The following KRT31 variants were observed in gnomAD, a reference collection of about 807,000 sequenced individuals.
KRT31 encodes keratin 31.
Under a neutral mutation model 40.8 loss-of-function variants are expected in KRT31, and 27 were observed. The ratio of observed to expected loss-of-function variants is 0.66; its 90% confidence interval spans 0.49 to 0.91. The LOEUF is 0.91. KRT31 is among the 40% of genes least tolerant of loss of function. The pLI is 0.00. For synonymous variants in KRT31, 231 were observed against 231.9 expected (o/e 1.00, Z 0.03); for missense variants, 510 against 544.1 (o/e 0.94, Z 0.62).
In KRT31 at chr17:41,395,527, T is replaced by C. The variant is rs767522463; in HGVS notation, c.685A>G (p.Arg229Gly). The C allele has an allele frequency of 6.2e-7, 1 of 1,614,208 alleles. No homozygotes were observed. The highest frequency in any genetic ancestry group is 1.1e-5 in the South Asian group (1 of 91,078). The part of the protein sequence containing the change: ...VDLNRVLNET[R>G]SQYEALVETN... ...TCCACCAGGGCCTCATACTGACTCC[T>C]GGTCTCGTTCAGCACCCGATTCAGG... Residue 229 changes from arginine (R) to glycine (G), a missense_variant, in exon 4 of 7, where the codon AGG becomes GGG. Coordinates refer to ENST00000251645, the MANE Select transcript of KRT31 (RefSeq NM_002277.3).
Position 41,394,954 on chromosome 17 carries a change from C to T in KRT31, c.991G>A (p.Asp331Asn), listed in dbSNP as rs772204868. 2 of 1,614,248 alleles carry T rather than the reference C, an allele frequency of 1.2e-6. No homozygotes were observed. The highest frequency in any genetic ancestry group is 2.2e-5 in the South Asian group (2 of 91,084). ...TACTCCTGGTTCTGCCGCTCCAGGT[C>T]ACTGCGGATCTCCGCCAGCTGGGAC... Reference protein sequence around the residue: ...VESQLAEIRSDLERQNQEYQV... With the variant: ...VESQLAEIRSNLERQNQEYQV... Residue 331 changes from aspartate to asparagine, a missense_variant, in exon 6 of 7, where the codon GAC (aspartate) becomes AAC (asparagine). Physicochemically the swap from Asp to Asn is conservative, Grantham distance 23. Coordinates refer to ENST00000251645, the MANE Select transcript of KRT31 (RefSeq NM_002277.3).
intron 6 of KRT31, 81 bp from the exon 7 acceptor site, chr17:41,394,250 A>G: frequency 6.7e-7 from 1 of 1,502,130 alleles, no homozygotes. Context: ...CAAGGGTAAG[A>G]ATGCCTGGGT....
rs575057304 is a variant in KRT31, at chr17:41,394,764, C to T, written c.1097+84G>A. 9.5e-6 allele frequency: 15 copies of T among 1,578,778 alleles called. No individual in the cohort carries two copies. In the African/African-American group the frequency reaches 1.9e-4, roughly 20 times the overall value. ...TAGTGTGAAGGCATAATTTCCTTTCCAAGGTATGCAATATTTGCATGGTGT... is the reference window on the plus strand; with the variant it reads ...TAGTGTGAAGGCATAATTTCCTTTCTAAGGTATGCAATATTTGCATGGTGT... On this transcript the variant is annotated intron_variant, in intron 6 of 6. Transcript: ENST00000251645.
intron 2 of KRT31, 88 bp downstream of exon 2, chr17:41,396,825 T>A: frequency 1.6e-6 from 2 of 1,230,826 alleles, no homozygotes; most frequent in Non-Finnish European, 2.4e-6. Context: ...TCACAACAAG[T>A]GGGTAGATCT....
At chr17:41,395,879 C>T (rs575153431) in intron 3 of KRT31, among the ~76,000 whole-genome samples, 34 of 152,270 alleles carry the variant, frequency 2.2e-4, no homozygotes, top group African/African-American at 7.9e-4. Flanking sequence ...TGATATTCAA[C>T]TTTCCCAGTT....
chr17:41,397,275 G>A lies in KRT31; in HGVS notation c.265C>T (p.Arg89Trp), dbSNP rs748743219. 13 of 1,614,108 alleles carry A rather than the reference G, an allele frequency of 8.1e-6. No homozygotes were observed. The highest frequency in any genetic ancestry group is 3.3e-5 in the Admixed American group (2 of 60,006). ...RDNAELENLIRERSQQQEPLL... is the reference protein window; with the variant it reads ...RDNAELENLIWERSQQQEPLL... ...GGCTCCTGCTGCTGAGACCGCTCCC[G>A]GATGAGGTTCTCCAGCTCCGCGTTG... Residue 89 changes from arginine to tryptophan, a missense_variant, in exon 1 of 7, where the codon CGG (arginine) becomes TGG (tryptophan). Coordinates refer to ENST00000251645, the MANE Select transcript of KRT31 (RefSeq NM_002277.3).
rs1004586037 is a variant in KRT31, at chr17:41,395,068, G to C, written c.877C>G (p.Arg293Gly). The C allele has an allele frequency of 4.3e-6, 7 of 1,614,074 alleles. No homozygotes were observed. The highest frequency in any genetic ancestry group is 3.3e-4 in the Middle Eastern group (2 of 6,084). ...EIELQAQHNL[R>G]DSLENTLTES... ...GTCAGCGTGTTTTCCAGAGAGTCTC[G>C]CTGTGGTGGAGAAGATTGGGAATGT... Residue 293 changes from arginine (R) to glycine (G), a missense_variant and splice_region_variant, in exon 6 of 7, where the codon CGA becomes GGA. Coordinates refer to ENST00000251645, the MANE Select transcript of KRT31 (RefSeq NM_002277.3).
At position 41,397,562 on chromosome 17, in the gene KRT31, G is replaced by A. The variant is rs765470270; in HGVS notation, c.-23C>T. On this transcript the variant is annotated 5_prime_UTR_variant, in exon 1 of 7. Transcript: ENST00000251645. Reference sequence around the variant, plus strand: ...CATAGTGCTGGGAGGGAGGGAGGGAGTGCCTGGCTGAAGACAGAGTCTAAA... The same window carrying A: ...CATAGTGCTGGGAGGGAGGGAGGGAATGCCTGGCTGAAGACAGAGTCTAAA... 1 of 1,587,006 alleles carries A rather than the reference G, an allele frequency of 6.3e-7. No homozygotes were observed. Among genetic ancestry groups the A allele is most frequent in the Admixed American group, 1.8e-5 (1 of 56,174 alleles).
At position 41,394,098 on chromosome 17, in the gene KRT31, C is replaced by T. The variant is rs1220438328; in HGVS notation, c.1169G>A (p.Cys390Tyr). 11 of 1,612,932 alleles carry T rather than the reference C, an allele frequency of 6.8e-6. No individual in the cohort carries two copies. The highest frequency in any genetic ancestry group is 1.7e-5 in the Admixed American group (1 of 59,740). ...KPIGPCLSNPCTSCVPPAPCT... is the reference protein window; with the variant it reads ...KPIGPCLSNPYTSCVPPAPCT... Reference sequence around the variant, plus strand: ...GGGGGCAGGAGGGACACAAGAGGTACAGGGATTGGAGAGACAGGGTCCGAT... The same window carrying T: ...GGGGGCAGGAGGGACACAAGAGGTATAGGGATTGGAGAGACAGGGTCCGAT... Residue 390 changes from cysteine to tyrosine, a missense_variant, in exon 7 of 7, where the codon TGT becomes TAT. Physicochemically the swap from Cys to Tyr is radical, Grantham distance 194. Transcript: ENST00000251645.
In KRT31 at chr17:41,394,905, G is replaced by A. The variant is rs374699090; in HGVS notation, c.1040C>T (p.Ala347Val). ...QEYQVLLDVR[A>V]RLECEINTYR... Reference sequence around the variant, plus strand: ...TGTGTTGATCTCACACTCCAGCCGGGCACGCACATCCAGCAGCACCTGGTA... The same window carrying A: ...TGTGTTGATCTCACACTCCAGCCGGACACGCACATCCAGCAGCACCTGGTA... The change falls in exon 6 of 7, where the codon GCC becomes GTC. Residue 347 changes from alanine to valine, a missense_variant. Coordinates refer to ENST00000251645, the MANE Select transcript of KRT31 (RefSeq NM_002277.3). 6.2e-7 allele frequency: 1 copy of A among 1,613,516 alleles called. No individual in the cohort carries two copies. Among genetic ancestry groups the A allele is most frequent in the Non-Finnish European group, 8.5e-7 (1 of 1,179,898 alleles).
In KRT31 at chr17:41,396,537, C is replaced by T. The variant is rs184257946; in HGVS notation, c.471G>A (p.Ser157=). The T allele has an allele frequency of 6.8e-6, 11 of 1,614,138 alleles. No individual in the cohort carries two copies. In the East Asian group the frequency reaches 1.8e-4, roughly 26 times the overall value. ...GGATCCTGCGCAGACCGTTGATGTCCGACTCCACCAGCTGCCGCAGGGACA... is the reference window on the plus strand; with the variant it reads ...GGATCCTGCGCAGACCGTTGATGTCTGACTCCACCAGCTGCCGCAGGGACA... The part of the protein sequence containing the change: ...TELSLRQLVE[S]DINGLRRILD... Residue 157 remains serine (S), a synonymous_variant, in exon 3 of 7, where the codon TCG becomes TCA. Coordinates refer to ENST00000251645, the MANE Select transcript of KRT31 (RefSeq NM_002277.3).
intron 3 of KRT31, 57 bp from the exon 4 acceptor site, chr17:41,395,680 A>G (rs146320202): frequency 2.0e-4 from 308 of 1,564,150 alleles, no homozygotes; most frequent in Middle Eastern, 1.0e-3. Context: ...AACTCTAAGG[A>G]ATGGCATTGC....
At position 41,394,975 on chromosome 17, in the gene KRT31, G is replaced by A; in HGVS notation, c.970C>T (p.Gln324Ter). The change falls in exon 6 of 7, where the codon CAG becomes TAG. Residue 324 changes from glutamine (Q) to a stop codon, truncating the protein, a stop_gained. Coordinates refer to ENST00000251645, the MANE Select transcript of KRT31 (RefSeq NM_002277.3). LOFTEE classifies it high-confidence loss of function. ...VQSLITNVESQLAEIRSDLER... is the reference protein window; with the variant it reads ...VQSLITNVES ...AGGTCACTGCGGATCTCCGCCAGCT[G>A]GGACTCCACGTTGGTGATCAGGCTC... The A allele has an allele frequency of 6.2e-7, 1 of 1,614,240 alleles. No homozygotes were observed. The highest frequency in any genetic ancestry group is 1.3e-5 in the African/African-American group (1 of 75,062).
In KRT31 at chr17:41,396,480, C is replaced by T. The variant is rs779749795; in HGVS notation, c.528G>A (p.Leu176=). The change falls in exon 3 of 7, where the codon CTG becomes CTA. Residue 176 remains leucine, a synonymous_variant. Transcript: ENST00000251645. ...CCTTCAGGGACTCCACCTGGGCCTC[C>T]AGGTCGGACTTGCACAGGGTCAGCT... The part of the protein sequence containing the change: ...LDELTLCKSD[L]EAQVESLKEE... 1.3e-5 allele frequency: 21 copies of T among 1,614,212 alleles called. No individual in the cohort carries two copies. The highest frequency in any genetic ancestry group is 1.6e-5 in the Non-Finnish European group (19 of 1,180,034).
At chr17:41,396,614 C>A in intron 2 of KRT31, 38 bp from the exon 3 acceptor site, 1 of 1,587,070 alleles carries the variant, frequency 6.3e-7, no homozygotes. Flanking sequence ...CCTGGTAGAT[C>A]TTCAAGACTC....
intron 3 of KRT31, among the ~76,000 whole-genome samples, chr17:41,396,114 A>G (rs1371953450): frequency 6.6e-6 from 1 of 152,216 alleles, no homozygotes; most frequent in Non-Finnish European, 1.5e-5. Context: ...CCAAAAAAAA[A>G]AAAAAAAGAC....
In KRT31 at chr17:41,396,559, G is replaced by C. The variant is rs760198322; in HGVS notation, c.449C>G (p.Ser150Cys). The change falls in exon 3 of 7, where the codon TCC (serine) becomes TGC (cysteine). Residue 150 changes from serine to cysteine, a missense_variant. By Grantham distance (112) the Ser-to-Cys change is moderately radical. Coordinates refer to ENST00000251645, the MANE Select transcript of KRT31 (RefSeq NM_002277.3). ...DFRTKYQTELSLRQLVESDIN... is the reference protein window; with the variant it reads ...DFRTKYQTELCLRQLVESDIN... Reference sequence around the variant, plus strand: ...GTCCGACTCCACCAGCTGCCGCAGGGACAGCTCGGTCTGGTACCTGCGCAA... The same window carrying C: ...GTCCGACTCCACCAGCTGCCGCAGGCACAGCTCGGTCTGGTACCTGCGCAA... 2 of 1,614,020 alleles carry C rather than the reference G, an allele frequency of 1.2e-6. No individual in the cohort carries two copies. Among genetic ancestry groups the C allele is most frequent in the Admixed American group, 3.3e-5 (2 of 60,018 alleles).
At chr17:41,395,720 G>A (rs555564085) in intron 3 of KRT31, 97 bp from the exon 4 acceptor site, 36 of 1,423,534 alleles carry the variant, frequency 2.5e-5, no homozygotes, top group Middle Eastern at 4.0e-4. Context: ...CTATTTTCTC[G>A]GAAAAGAAAC....
chr17:41,396,737 A>G (rs765622979), intron 2 of KRT31, among the ~76,000 whole-genome samples, 161 bp from the exon 3 acceptor site: 2 of 152,204 alleles, frequency 1.3e-5, no homozygotes, highest in Non-Finnish European at 2.9e-5. Context: ...ATTCATCCCA[A>G]AACAAACAGA....
Sources: allele counts gnomAD v4.1 joint callset (sites outside exome capture counted in the v4.1 genomes callset), GRCh38; gene constraint gnomAD v4.1.1; transcripts MANE v1.5; gene names NCBI Gene and HGNC (gene_info 2026-07-23, HGNC 2026-07-21).